Variants in RECK observed in about 807,000 individuals in gnomAD.
The protein encoded by RECK is reversion inducing cysteine rich protein with kazal motifs.
A neutral mutation model predicts 115.1 loss-of-function variants in RECK; 69 were observed. The ratio of observed to expected loss-of-function variants is 0.60; its 90% CI spans 0.49 to 0.73. The LOEUF is 0.73. Ranked by LOEUF, RECK falls within the 30% of genes least tolerant of loss-of-function variation. The pLI is 0.00. For missense variants in RECK, 1,047 were observed against 1,203.7 expected (o/e 0.87, Z 1.93); for synonymous variants, 414 against 419.7 (o/e 0.99, Z 0.17).
intron 10 of RECK, among the ~76,000 whole-genome samples, chr9:36,097,256 AG>A (rs1370004587): frequency 1.5e-4 from 23 of 149,844 alleles, no homozygotes; most frequent in African/African-American, 5.7e-4. Flanking sequence ...TGAACCTAGG[AG>A]GTGAAAGTTG....
At chr9:36,118,541 A>T (rs1824348122) in intron 17 of RECK, among the ~76,000 whole-genome samples, 1 of 152,178 alleles carries the variant, frequency 6.6e-6, no homozygotes, top group South Asian at 2.1e-4. Flanking sequence ...AGAGGCTGAG[A>T]AAAGTAATCT....
chr9:36,090,599 T>C (rs1030505522), intron 9 of RECK, among the ~76,000 whole-genome samples: 3 of 152,182 alleles, frequency 2.0e-5, no homozygotes, highest in East Asian at 3.8e-4. Flanking sequence ...TTTGTAATCA[T>C]TGAGTACTAA....
At position 36,037,005 on chromosome 9, in the gene RECK, A is replaced by G. The variant is rs1282787509; in HGVS notation, c.7A>G (p.Thr3Ala). MATVRASLRGALL... is the reference protein window; with the variant it reads MAAVRASLRGALL... ...GGAGCCGCCCGGCCCGGACATGGCG[A>G]CCGTCCGGGCCTCTCTGCGAGGTGC... Residue 3 changes from threonine to alanine, a missense_variant, in exon 1 of 21, where the codon ACC becomes GCC. By Grantham distance (58) the Thr-to-Ala change is moderately conservative. Transcript: ENST00000377966. The G allele has an allele frequency of 2.8e-6, 4 of 1,428,532 alleles. No homozygotes were observed. Among genetic ancestry groups the G allele is most frequent in the Non-Finnish European group, 2.8e-6 (3 of 1,088,936 alleles). The allele number at this position is 1,428,532 out of a possible 1,614,324, so 88.5% of individuals were successfully genotyped here. A position where few individuals can be genotyped will look rare whatever the true frequency, so the allele number is the denominator to read the frequency against.
rs182471144 is a variant in RECK, at chr9:36,081,105, G to C, written c.439+467G>C. ...AGGGGTACTTAGAGGTGGCTTCATGGAGTTGGTAGCTGATCCCGGGCATGA... is the reference window on the plus strand; with the variant it reads ...AGGGGTACTTAGAGGTGGCTTCATGCAGTTGGTAGCTGATCCCGGGCATGA... On this transcript the variant is annotated intron_variant, in intron 7 of 20. Transcript: ENST00000377966. 2.5e-3 allele frequency among the ~76,000 whole-genome samples: 375 copies of C among 152,302 alleles called. 1 individual carries two copies. The highest frequency in any genetic ancestry group is 4.4e-3 in the Admixed American group (67 of 15,290).
In RECK at chr9:36,108,098, G is replaced by GA; in HGVS notation, c.1703dup (p.Asn568LysfsTer28). On this transcript the variant is annotated frameshift_variant, in exon 14 of 21. Coordinates refer to ENST00000377966, the MANE Select transcript of RECK (RefSeq NM_021111.3). LOFTEE classifies it high-confidence loss of function. ...TTCATGTGGACAAAGTGGACTCTTA[G>GA]AAAACTGTATGGAAATGCACTGTAT... 6.2e-7 allele frequency: 1 copy of GA among 1,614,088 alleles called. No homozygotes were observed. Among genetic ancestry groups the GA allele is most frequent in the Non-Finnish European group, 8.5e-7 (1 of 1,179,966 alleles).
rs187099886 is a variant in RECK, at chr9:36,044,825, T to A, written c.101-7440T>A. Among the ~76,000 whole-genome samples the A allele has an allele frequency of 2.0e-3, 312 of 152,278 alleles. 2 individuals are homozygous for A. The highest frequency in any genetic ancestry group is 7.2e-3 in the African/African-American group (300 of 41,540). The stretch of plus-strand genomic sequence containing the variant: ...ACTGCATTCTAGGTAAGTGTAGATT[T>A]TCTTTGCTAAAAGTAATAGAAGTTT... On this transcript the variant is annotated intron_variant, in intron 1 of 20. Coordinates refer to ENST00000377966, the MANE Select transcript of RECK (RefSeq NM_021111.3).
Position 36,121,674 on chromosome 9 carries a change from C to A in RECK, c.2680C>A (p.Pro894Thr). Residue 894 changes from proline (P) to threonine (T), a missense_variant, in exon 20 of 21, where the codon CCA becomes ACA. By Grantham distance (38) the Pro-to-Thr change is conservative. Coordinates refer to ENST00000377966, the MANE Select transcript of RECK (RefSeq NM_021111.3). ...CCTGATCATTCCCGTCGATCACTAT[C>A]CAAAAGCTCTGCAGGTGAGTTCAGC... is the stretch of plus-strand genomic sequence containing the variant. ...VILIIPVDHY[P>T]KALQIEACNK... 1 of 1,613,930 alleles carries A rather than the reference C, an allele frequency of 6.2e-7. No individual in the cohort carries two copies. Among genetic ancestry groups the A allele is most frequent in the East Asian group, 2.2e-5 (1 of 44,892 alleles).
chr9:36,041,022 C>T (rs1413929524), intron 1 of RECK, among the ~76,000 whole-genome samples: 1 of 152,020 alleles, frequency 6.6e-6, no homozygotes, highest in Non-Finnish European at 1.5e-5. Flanking sequence ...GTGAGTAATC[C>T]ATTTAGCAAA....
chr9:36,050,948 T>G (rs1433543945), intron 1 of RECK, among the ~76,000 whole-genome samples: 1 of 152,156 alleles, frequency 6.6e-6, no homozygotes, highest in Non-Finnish European at 1.5e-5. Flanking sequence ...CTTTAACTTG[T>G]TTTATTATTG....
At chr9:36,122,285 G>C (rs974497849) in intron 20 of RECK, among the ~76,000 whole-genome samples, 1 of 152,176 alleles carries the variant, frequency 6.6e-6, no homozygotes, top group Non-Finnish European at 1.5e-5. Flanking sequence ...TCATCTCGTC[G>C]TTGTTTTCCT....
chr9:36,102,003 C>T (rs1025284737), intron 11 of RECK, 91 bp from the exon 12 acceptor site: 2 of 1,255,438 alleles, frequency 1.6e-6, no homozygotes, highest in Non-Finnish European at 2.2e-6. Flanking sequence ...TGAAAGCTTA[C>T]TTTCTGGAAA....
At chr9:36,081,813 A>C (rs1822705934) in intron 7 of RECK, among the ~76,000 whole-genome samples, 2 of 149,344 alleles carry the variant, frequency 1.3e-5, no homozygotes, top group South Asian at 4.4e-4. Flanking sequence ...CAGCCAGGGG[A>C]CAGAGTGAGA....
At chr9:36,111,485 C>T (rs1176398539) in intron 15 of RECK, among the ~76,000 whole-genome samples, 2 of 152,156 alleles carry the variant, frequency 1.3e-5, no homozygotes, top group African/African-American at 4.8e-5. Flanking sequence ...ACTCCGCCTC[C>T]TGGGATCAAG....
chr9:36,120,380 C>A (rs2132677500), intron 18 of RECK, among the ~76,000 whole-genome samples: 1 of 152,292 alleles, frequency 6.6e-6, no homozygotes, highest in East Asian at 1.9e-4. Flanking sequence ...CAGGATCAGG[C>A]CCCAGGTCTC....
At chr9:36,115,311 T>C (rs1314361027) in intron 16 of RECK, among the ~76,000 whole-genome samples, 1 of 149,512 alleles carries the variant, frequency 6.7e-6, no homozygotes, top group Non-Finnish European at 1.5e-5. Context: ...CAAGACTCTG[T>C]CTCAAATAAT....
chr9:36,082,111 C>CATATCT (rs1342258858), intron 7 of RECK, among the ~76,000 whole-genome samples: 2 of 148,550 alleles, frequency 1.3e-5, no homozygotes, highest in Non-Finnish European at 3.0e-5. Flanking sequence ...CTGGTTCCTC[C>CATATCT]ATATCTATCC....
At chr9:36,102,351 A>G in intron 12 of RECK, 121 bp downstream of exon 12, 1 of 841,178 alleles carries the variant, frequency 1.2e-6, no homozygotes, top group Non-Finnish European at 1.8e-6. Context: ...CAATGATACC[A>G]TCTCAATCAC....
intron 20 of RECK, among the ~76,000 whole-genome samples, chr9:36,122,051 AG>A (rs1824480897): frequency 6.6e-6 from 1 of 152,192 alleles, no homozygotes; most frequent in Non-Finnish European, 1.5e-5. Context: ...GAACTGGTGC[AG>A]GTCATGCAGT....
intron 16 of RECK, among the ~76,000 whole-genome samples, chr9:36,115,882 T>C (rs1824239264): frequency 6.6e-6 from 1 of 152,172 alleles, no homozygotes; most frequent in African/African-American, 2.4e-5. Flanking sequence ...TATCTTCTTA[T>C]AGAAAGTTAT....
Sources: allele counts gnomAD v4.1 joint callset (sites outside exome capture counted in the v4.1 genomes callset), GRCh38; gene constraint gnomAD v4.1.1; transcripts MANE v1.5; gene names NCBI Gene and HGNC (gene_info 2026-07-23, HGNC 2026-07-21).